ATG7: variants seen among roughly 807,000 people sequenced by gnomAD.
The protein encoded by ATG7 is ubiquitin-like modifier-activating enzyme ATG7.
A neutral mutation model predicts 82.4 loss-of-function variants in ATG7; 70 were observed. The observed-to-expected ratio is 0.85, with a 90% CI of 0.70 to 1.04. ATG7 has a LOEUF of 1.04. ATG7 is among the 50% of genes least tolerant of loss of function. The pLI, the probability that ATG7 is intolerant of heterozygous loss-of-function variation, is 0.00. For missense variants in ATG7, 792 were observed against 864.3 expected, an observed-to-expected ratio of 0.92 and a Z score of 1.05; for synonymous variants, 287 against 313.0, an observed-to-expected ratio of 0.92 and a Z score of 0.88.
chr3:11,303,870 G>A (rs956718092), intron 5 of ATG7, among the ~76,000 whole-genome samples: 5 of 140,872 alleles, frequency 3.5e-5, no homozygotes, highest in Admixed American at 1.5e-4. Context: ...GTCAGGGATC[G>A]AGACCATCCT....
intron 19 of ATG7, among the ~76,000 whole-genome samples, chr3:11,396,972 G>A (rs2079351588): frequency 6.6e-6 from 1 of 151,798 alleles, no homozygotes; most frequent in Non-Finnish European, 1.5e-5. Context: ...TAGAAAAATT[G>A]TATAACTTCT....
At chr3:11,401,402 G>A (rs907217084) in intron 19 of ATG7, among the ~76,000 whole-genome samples, 27 of 152,002 alleles carry the variant, frequency 1.8e-4, no homozygotes, top group African/African-American at 6.3e-4. Flanking sequence ...AGTATGTGTT[G>A]GTTTAAAAAG....
At chr3:11,511,115 C>G (rs1334278646) in intron 20 of ATG7, among the ~76,000 whole-genome samples, 1 of 152,120 alleles carries the variant, frequency 6.6e-6, no homozygotes, top group African/African-American at 2.4e-5. Context: ...AAAGAGTGAG[C>G]AGTAGCAAGA....
At chr3:11,313,485 C>G (rs1948971667) in intron 8 of ATG7, 65 bp downstream of exon 8, 6 of 1,198,882 alleles carry the variant, frequency 5.0e-6, no homozygotes, top group Non-Finnish European at 7.2e-6. Context: ...TTATGTAGTT[C>G]TTTCCAAAGA....
intron 9 of ATG7, among the ~76,000 whole-genome samples, chr3:11,330,280 C>A (rs6442249): frequency 6.6e-6 from 1 of 152,238 alleles, no homozygotes; most frequent in East Asian, 1.9e-4. Flanking sequence ...TCTGAAGAGG[C>A]CAGTATTTGC....
intron 19 of ATG7, among the ~76,000 whole-genome samples, chr3:11,418,164 G>A (rs1365693580): frequency 2.0e-5 from 3 of 151,054 alleles, no homozygotes; most frequent in African/African-American, 2.4e-5. Flanking sequence ...GAGTGCAATC[G>A]TGCGATCTCA....
intron 3 of ATG7, among the ~76,000 whole-genome samples, chr3:11,296,705 C>T (rs191993067): frequency 1.3e-5 from 2 of 152,326 alleles, no homozygotes; most frequent in African/African-American, 4.8e-5. Context: ...CACATGAGGA[C>T]AGCTGGTTTC....
At chr3:11,508,238 G>GT (rs2091852450) in intron 20 of ATG7, among the ~76,000 whole-genome samples, 1 of 152,030 alleles carries the variant, frequency 6.6e-6, no homozygotes, top group Non-Finnish European at 1.5e-5. Flanking sequence ...AGTGTCTAAG[G>GT]TGGGGGGGTG....
chr3:11,556,806 C>A lies in ATG7; in HGVS notation c.*1963C>A, dbSNP rs1177481811. 6.5e-6 allele frequency: 1 copy of A among 152,736 alleles called. No individual in the cohort carries two copies. Among genetic ancestry groups the A allele is most frequent in the Non-Finnish European group, 1.5e-5 (1 of 68,030 alleles). 9.5% of individuals were successfully genotyped at this position (152,736 alleles called of 1,614,324 possible). The stretch of plus-strand genomic sequence containing the variant: ...AAAGTGTTCTCAACGATTTTTCCTA[C>A]AGAAAATATAGGGGCCTGAATGCCA... On this transcript the variant is annotated 3_prime_UTR_variant, in exon 21 of 21. Transcript: ENST00000693202.
At chr3:11,348,199 A>G (rs1954865978) in intron 14 of ATG7, 164 bp downstream of exon 14, 1 of 984,644 alleles carries the variant, frequency 1.0e-6, no homozygotes. Context: ...GAGAGGGATA[A>G]AAAAACACAA....
chr3:11,489,024 A>T (rs2090071825), intron 20 of ATG7, among the ~76,000 whole-genome samples: 1 of 151,888 alleles, frequency 6.6e-6, no homozygotes, highest in Non-Finnish European at 1.5e-5. Context: ...CTGTGAATCC[A>T]TCTGGTCCTG....
chr3:11,323,987 T>C (rs2152741714), intron 9 of ATG7, among the ~76,000 whole-genome samples: 1 of 152,358 alleles, frequency 6.6e-6, no homozygotes, highest in Non-Finnish European at 1.5e-5. Context: ...AATTTTGCCC[T>C]CTTTTCTTTC....
At chr3:11,429,121 G>A (rs1205985086) in intron 20 of ATG7, among the ~76,000 whole-genome samples, 1 of 152,210 alleles carries the variant, frequency 6.6e-6, no homozygotes, top group Non-Finnish European at 1.5e-5. Context: ...TGTTTGGCCT[G>A]TGAGCCAGAT....
Position 11,331,370 on chromosome 3 carries a change from T to G in ATG7, c.709T>G (p.Leu237Val). Reference sequence around the variant, plus strand: ...AATTGGTGTATATGATCCCTGTAACTTAGCCCAGTACCCTGGATGGCCTTT... The same window carrying G: ...AATTGGTGTATATGATCCCTGTAACGTAGCCCAGTACCCTGGATGGCCTTT... The part of the protein sequence containing the change: ...ITIGVYDPCN[L>V]AQYPGWPLRN... Residue 237 changes from leucine to valine, a missense_variant, in exon 10 of 21, where the codon TTA becomes GTA. By Grantham distance (32) the Leu-to-Val change is conservative. Coordinates refer to ENST00000693202, the MANE Select transcript of ATG7 (RefSeq NM_001349232.2). 6.2e-7 allele frequency: 1 copy of G among 1,613,934 alleles called. No homozygotes were observed. The highest frequency in any genetic ancestry group is 8.5e-7 in the Non-Finnish European group (1 of 1,179,780).
intron 19 of ATG7, among the ~76,000 whole-genome samples, chr3:11,421,115 TC>T (rs1299529591): frequency 1.3e-5 from 2 of 152,178 alleles, no homozygotes; most frequent in African/African-American, 4.8e-5. Flanking sequence ...CAAGTTGTAA[TC>T]TTTTTGCTGG....
At position 11,361,425 on chromosome 3, in the gene ATG7, C is replaced by T. The variant is rs963570498; in HGVS notation, c.1683+641C>T. On this transcript the variant is annotated intron_variant, in intron 16 of 20. Transcript: ENST00000693202. ...TCAGCCTCCTGAGTAGCTGAGATTA[C>T]AGGTGTGTGCCACCATGCCCAGCTA... is the stretch of plus-strand genomic sequence containing the variant. Among the ~76,000 whole-genome samples, 4 of 152,010 alleles carry T rather than the reference C, an allele frequency of 2.6e-5. No individual in the cohort carries two copies. The South Asian group carries it at 6.2e-4, about 24-fold the overall frequency.
chr3:11,540,977 G>A lies in ATG7; in HGVS notation c.2080-13834G>A, dbSNP rs563803789. Among the ~76,000 whole-genome samples, 261 of 148,854 alleles carry A rather than the reference G, an allele frequency of 1.8e-3. 1 individual carries two copies. The highest frequency in any genetic ancestry group is 6.0e-3 in the African/African-American group (243 of 40,734). ...TGCAGTGGTGCAATCTTGGCTCACT[G>A]CAAGCTCCGCCTCCCAGGTTCACGC... On this transcript the variant is annotated intron_variant, in intron 20 of 20. Transcript: ENST00000693202.
At chr3:11,411,648 A>AAAAAAAAC (rs2080913571) in intron 19 of ATG7, among the ~76,000 whole-genome samples, 1 of 147,764 alleles carries the variant, frequency 6.8e-6, no homozygotes, top group Non-Finnish European at 1.5e-5. Context: ...AAAAAAAAAA[A>AAAAAAAAC]TTCTTATCAG....
chr3:11,385,508 C>A (rs903649975), intron 19 of ATG7, among the ~76,000 whole-genome samples: 1 of 152,188 alleles, frequency 6.6e-6, no homozygotes, highest in Non-Finnish European at 1.5e-5. Flanking sequence ...GCCAGAGATA[C>A]AAAGATGATT....
Sources: gnomAD v4.1 joint callset for allele counts (sites outside exome capture counted in the v4.1 genomes callset) on GRCh38, gnomAD v4.1.1 for gene constraint, MANE v1.5 for transcripts, NCBI Gene and HGNC (gene_info 2026-07-23, HGNC 2026-07-21) for gene names.